PSAT1: variants seen among roughly 807,000 people sequenced by gnomAD.
PSAT1 encodes phosphoserine aminotransferase.
PSAT1 carries 41 observed loss-of-function variants against 40.3 expected under a neutral mutation model. The observed-to-expected ratio is 1.02, with a 90% confidence interval of 0.79 to 1.32. The LOEUF (loss-of-function observed/expected upper bound fraction) is 1.32. PSAT1 is among the 40% of genes most tolerant of loss of function. The pLI, the probability that PSAT1 is intolerant of heterozygous loss-of-function variation, is 0.00. For synonymous variants in PSAT1, 147 were observed against 170.5 expected (o/e 0.86, Z 1.07); for missense variants, 406 against 455.8 (o/e 0.89, Z 0.99).
chr9:78,321,681 T>C (rs1306295856), intron 7 of PSAT1, among the ~76,000 whole-genome samples: 2 of 152,098 alleles, frequency 1.3e-5, no homozygotes, highest in African/African-American at 2.4e-5. Flanking sequence ...AGCCTCCAAG[T>C]TGATTCCATA....
At chr9:78,300,710 C>CTTTTTTT (rs753207413) in intron 2 of PSAT1, 48 bp downstream of exon 2, 11 of 1,107,726 alleles carry the variant, frequency 9.9e-6, no homozygotes, top group East Asian at 9.2e-5. Flanking sequence ...TCAAAGGAAG[C>CTTTTTTT]TTTTTTTTTT....
chr9:78,326,389 T>C (rs910202584), intron 7 of PSAT1, among the ~76,000 whole-genome samples: 5 of 151,944 alleles, frequency 3.3e-5, no homozygotes, highest in Admixed American at 6.6e-5. Context: ...CAGTGAAAAA[T>C]AATTTTGGCT....
At chr9:78,308,269 A>T in intron 5 of PSAT1, 145 bp from the exon 6 acceptor site, 1 of 920,576 alleles carries the variant, frequency 1.1e-6, no homozygotes, top group Non-Finnish European at 1.7e-6. Flanking sequence ...CCACATGGAG[A>T]TTGCTTTAGA....
rs1263262669 is a variant in PSAT1 at position 78,329,379 on chromosome 9, A to G, written c.*293A>G. 2.2e-5 allele frequency: 9 copies of G among 404,610 alleles called. No homozygotes were observed. Among genetic ancestry groups the G allele is most frequent in the African/African-American group, 4.1e-5 (2 of 48,706 alleles). 25.1% of individuals were successfully genotyped at this position (404,610 alleles called of 1,614,324 possible). A position where few individuals can be genotyped will look rare whatever the true frequency, so the allele number is the denominator to read the frequency against. On this transcript the variant is annotated 3_prime_UTR_variant, in exon 9 of 9. Transcript: ENST00000376588. ...GCTACTTTTTCTAGTTAGATTTCAA[A>G]CTTGCCTGTGGACTTAATAATGCAA...
intron 8 of PSAT1, 22 bp downstream of exon 8, chr9:78,328,210 G>A (rs769949883): frequency 1.5e-5 from 24 of 1,613,800 alleles, no homozygotes; most frequent in East Asian, 2.2e-5. Context: ...TGCAATGCAC[G>A]AGCTTGGCAA....
intron 7 of PSAT1, among the ~76,000 whole-genome samples, chr9:78,321,232 C>T (rs1828425244): frequency 6.6e-6 from 1 of 152,100 alleles, no homozygotes; most frequent in South Asian, 2.1e-4. Context: ...CTAGGAACTC[C>T]CACCACCCCC....
intron 7 of PSAT1, among the ~76,000 whole-genome samples, chr9:78,320,047 C>T (rs1432367775): frequency 2.0e-5 from 3 of 151,398 alleles, no homozygotes; most frequent in Admixed American, 6.6e-5. Context: ...CACTCATCCA[C>T]TCATCCATCC....
chr9:78,325,516 C>A (rs150364337), intron 7 of PSAT1, among the ~76,000 whole-genome samples: 1 of 152,234 alleles, frequency 6.6e-6, no homozygotes, highest in African/African-American at 2.4e-5. Context: ...TTTGCAGATG[C>A]AGCTGTCTGC....
intron 7 of PSAT1, among the ~76,000 whole-genome samples, chr9:78,323,789 C>G (rs1442738550): frequency 6.6e-6 from 1 of 152,120 alleles, no homozygotes; most frequent in Non-Finnish European, 1.5e-5. Flanking sequence ...TTTTCATAAT[C>G]ATGTACAAAT....
intron 7 of PSAT1, among the ~76,000 whole-genome samples, chr9:78,318,502 A>G (rs745454207): frequency 2.0e-5 from 3 of 152,200 alleles, no homozygotes; most frequent in Non-Finnish European, 2.9e-5. Flanking sequence ...CTGGGGCCAG[A>G]AGTTCAAAAT....
At chr9:78,313,373 C>G (rs913482516) in intron 6 of PSAT1, among the ~76,000 whole-genome samples, 30 of 152,078 alleles carry the variant, frequency 2.0e-4, no homozygotes, top group African/African-American at 6.5e-4. Context: ...AAAAAACAAA[C>G]AAAGAAACAA....
intron 3 of PSAT1, among the ~76,000 whole-genome samples, chr9:78,302,997 G>T (rs73451049): frequency 6.6e-6 from 1 of 152,018 alleles, no homozygotes; most frequent in Non-Finnish European, 1.5e-5. Flanking sequence ...ATAAACCTAC[G>T]AATATAGCAA....
At chr9:78,320,738 C>T (rs1047691723) in intron 7 of PSAT1, among the ~76,000 whole-genome samples, 3 of 150,864 alleles carry the variant, frequency 2.0e-5, no homozygotes, top group African/African-American at 7.3e-5. Flanking sequence ...GTACACTAGC[C>T]TTGTTCTAGG....
chr9:78,308,499 T>G lies in PSAT1; in HGVS notation c.656T>G (p.Phe219Cys). The change falls in exon 6 of 9, where the codon TTT becomes TGT. Residue 219 changes from phenylalanine (F) to cysteine (C), a missense_variant. Transcript: ENST00000376588. ...ATTGTCCGTGATGACCTGCTGGGGT[T>G]TGCCCTCCGAGAGTGCCCCTCGGTC... ...VVIVRDDLLG[F>C]ALRECPSVLE... The G allele has an allele frequency of 3.1e-6, 5 of 1,614,030 alleles. No individual in the cohort carries two copies. The highest frequency in any genetic ancestry group is 4.2e-6 in the Non-Finnish European group (5 of 1,179,952).
At chr9:78,318,710 A>G (rs1828384047) in intron 7 of PSAT1, among the ~76,000 whole-genome samples, 1 of 152,174 alleles carries the variant, frequency 6.6e-6, no homozygotes, top group Admixed American at 6.5e-5. Flanking sequence ...CTGTCCAGAT[A>G]ATCCAGGATC....
rs149501353 is a variant in PSAT1 at position 78,326,064 on chromosome 9, A to G, written c.870-1987A>G. ...TTCAATGTCAGCCGTGAAACCTACCACTTCGAATAGTGGGGCCTGGAATTC... is the reference window on the plus strand; with the variant it reads ...TTCAATGTCAGCCGTGAAACCTACCGCTTCGAATAGTGGGGCCTGGAATTC... On this transcript the variant is annotated intron_variant, in intron 7 of 8. Transcript: ENST00000376588. Among the ~76,000 whole-genome samples the G allele has an allele frequency of 4.9e-4, 74 of 152,236 alleles. No individual in the cohort carries two copies. The East Asian group carries it at 7.3e-3, about 15-fold the overall frequency.
At chr9:78,313,220 C>A (rs939467821) in intron 6 of PSAT1, among the ~76,000 whole-genome samples, 1 of 151,916 alleles carries the variant, frequency 6.6e-6, no homozygotes, top group Non-Finnish European at 1.5e-5. Flanking sequence ...ACAAAAATTA[C>A]CCGGGCGTAG....
chr9:78,329,017 T>A lies in PSAT1; in HGVS notation c.1044T>A (p.Ala348=). The A allele has an allele frequency of 1.2e-6, 2 of 1,613,760 alleles. No individual in the cohort carries two copies. Among genetic ancestry groups the A allele is most frequent in the Non-Finnish European group, 1.7e-6 (2 of 1,179,848 alleles). Residue 348 remains alanine (A), a synonymous_variant, in exon 9 of 9, where the codon GCT becomes GCA. Transcript: ENST00000376588. ...GCATCCGGGCCTCTCTGTATAATGC[T>A]GTCACAATTGAAGACGTTCAGAAGC... is the stretch of plus-strand genomic sequence containing the variant. ...VGGIRASLYN[A]VTIEDVQKLA... is the part of the protein sequence containing the mutation.
At chr9:78,299,497 T>TA (rs1264113979) in intron 1 of PSAT1, among the ~76,000 whole-genome samples, 6 of 15,276 alleles carry the variant, frequency 3.9e-4, no homozygotes, top group Non-Finnish European at 7.7e-4. Flanking sequence ...CAAGGCAGTC[T>TA]TTTTTTTAAT....
Sources: allele counts gnomAD v4.1 joint callset (sites outside exome capture counted in the v4.1 genomes callset), GRCh38; gene constraint gnomAD v4.1.1; transcripts MANE v1.5; gene names NCBI Gene and HGNC (gene_info 2026-07-23, HGNC 2026-07-21).